Variants in ASTN1 observed in about 807,000 individuals in gnomAD.
ASTN1 encodes the protein astrotactin 1, also known as astrotactin-1.
In ASTN1, 41 loss-of-function variants were observed where a neutral mutation model predicts 140.7. That is an observed-to-expected ratio of 0.29 (90% CI 0.23 to 0.38). ASTN1 has a LOEUF of 0.38. ASTN1 is among the 10% of genes least tolerant of loss of function. The probability of loss-of-function intolerance (pLI) is 1.00; values close to 1 mark genes in which losing one functional copy is unlikely to be tolerated. For missense variants in ASTN1, 1,479 were observed against 1,678.8 expected (o/e 0.88, Z 2.08); for synonymous variants, 640 against 652.2 (o/e 0.98, Z 0.29).
chr1:176,933,496 C>G (rs1671295028), intron 16 of ASTN1, among the ~76,000 whole-genome samples: 2 of 152,206 alleles, frequency 1.3e-5, no homozygotes, highest in Admixed American at 6.5e-5. Flanking sequence ...TACAAATATA[C>G]TGGCCACTAT....
chr1:176,969,202 A>G (rs1045518736), intron 8 of ASTN1, among the ~76,000 whole-genome samples: 2 of 152,170 alleles, frequency 1.3e-5, no homozygotes, highest in Non-Finnish European at 2.9e-5. Context: ...CCCAGGTTTA[A>G]ATGGAAGTTG....
chr1:177,130,596 G>GA (rs1681896734), intron 1 of ASTN1, among the ~76,000 whole-genome samples: 1 of 152,158 alleles, frequency 6.6e-6, no homozygotes, highest in African/African-American at 2.4e-5. Flanking sequence ...TTGAATCCCT[G>GA]AGCTGTAATC....
intron 1 of ASTN1, among the ~76,000 whole-genome samples, chr1:177,067,061 C>T (rs1678397120): frequency 6.6e-6 from 1 of 151,898 alleles, no homozygotes; most frequent in African/African-American, 2.4e-5. Flanking sequence ...TTCAAAGTTG[C>T]TGTTAGTCTA....
intron 9 of ASTN1, among the ~76,000 whole-genome samples, chr1:176,960,950 C>T (rs937304953): frequency 6.6e-6 from 1 of 152,128 alleles, no homozygotes; most frequent in Non-Finnish European, 1.5e-5. Context: ...TGACTCAGAG[C>T]CCCTTGTTGC....
At chr1:177,052,541 G>A (rs1392154053) in intron 2 of ASTN1, among the ~76,000 whole-genome samples, 3 of 152,180 alleles carry the variant, frequency 2.0e-5, no homozygotes, top group Non-Finnish European at 4.4e-5. Flanking sequence ...TGGTCTCTCT[G>A]AGAGCAAAGC....
intron 1 of ASTN1, among the ~76,000 whole-genome samples, chr1:177,136,220 T>C (rs1682187695): frequency 6.6e-6 from 1 of 152,224 alleles, no homozygotes; most frequent in South Asian, 2.1e-4. Context: ...CTTGTGAACA[T>C]ATCCCAGCTG....
intron 1 of ASTN1, among the ~76,000 whole-genome samples, chr1:177,149,356 GTAAATATATATATAGTATA>G (rs1682897210): frequency 1.5e-5 from 1 of 67,344 alleles, no homozygotes; most frequent in Non-Finnish European, 2.3e-5. Context: ...TATATATATA[GTAAATATATATATAGTATA>G]TATAGTAAAT....
intron 1 of ASTN1, among the ~76,000 whole-genome samples, chr1:177,090,454 G>A (rs1044794506): frequency 2.0e-5 from 3 of 152,076 alleles, no homozygotes; most frequent in Non-Finnish European, 2.9e-5. Context: ...CCATGAGAGA[G>A]CCTTATGTTT....
chr1:176,948,674 G>A (rs1267835359), intron 12 of ASTN1, among the ~76,000 whole-genome samples: 4 of 152,144 alleles, frequency 2.6e-5, no homozygotes, highest in Non-Finnish European at 5.9e-5. Context: ...CTCTTCACAC[G>A]GAGGAATCAC....
At chr1:176,994,741 T>C (rs771848890) in intron 8 of ASTN1, among the ~76,000 whole-genome samples, 6 of 152,136 alleles carry the variant, frequency 3.9e-5, no homozygotes, top group Non-Finnish European at 8.8e-5. Context: ...ACCTATAAAG[T>C]GGAGATGGAT....
At position 176,906,608 on chromosome 1, in the gene ASTN1, C is replaced by G. The variant is rs540887205; in HGVS notation, c.2672-11778G>C. 3.3e-5 allele frequency among the ~76,000 whole-genome samples: 5 copies of G among 152,110 alleles called. No individual in the cohort carries two copies. The South Asian group carries it at 1.0e-3, about 32-fold the overall frequency. On this transcript the variant is annotated intron_variant, in intron 16 of 22. Coordinates refer to ENST00000361833, the MANE Select transcript of ASTN1 (RefSeq NM_004319.3). The stretch of plus-strand genomic sequence containing the variant: ...GTGGTTCATGCCTGTAATCCTAGCA[C>G]TTTAGGAGGCTGAGGTGGGCAGATC...
chr1:177,086,306 T>C (rs1430222057), intron 1 of ASTN1, among the ~76,000 whole-genome samples: 1 of 151,184 alleles, frequency 6.6e-6, no homozygotes, highest in African/African-American at 2.4e-5. Context: ...TTTTTCACCT[T>C]TTAACTTTCT....
chr1:177,164,379 T>A lies in ASTN1; in HGVS notation c.283+15A>T. 1 of 1,553,576 alleles carries A rather than the reference T, an allele frequency of 6.4e-7. No individual in the cohort carries two copies. Among genetic ancestry groups the A allele is most frequent in the Non-Finnish European group, 8.7e-7 (1 of 1,148,762 alleles). ...TCCAGCGCCTCCGGCCGCCTCGACC[T>A]CCCCCGGGACTCACCCAGCACGAAG... is the stretch of plus-strand genomic sequence containing the variant. On this transcript the variant is annotated intron_variant, in intron 1 of 22. Coordinates refer to ENST00000361833, the MANE Select transcript of ASTN1 (RefSeq NM_004319.3).
chr1:176,989,837 C>G (rs1234192471), intron 8 of ASTN1, among the ~76,000 whole-genome samples: 1 of 152,018 alleles, frequency 6.6e-6, no homozygotes, highest in Non-Finnish European at 1.5e-5. Flanking sequence ...CAATCCAGCA[C>G]AGCAATTTCC....
chr1:177,126,317 AT>A (rs1488064851), intron 1 of ASTN1, among the ~76,000 whole-genome samples: 1 of 152,202 alleles, frequency 6.6e-6, no homozygotes, highest in African/African-American at 2.4e-5. Flanking sequence ...CTGCTTAGGA[AT>A]AGCTACTTGA....
At chr1:176,945,230 C>T (rs909492503) in intron 13 of ASTN1, among the ~76,000 whole-genome samples, 3 of 151,582 alleles carry the variant, frequency 2.0e-5, no homozygotes, top group African/African-American at 7.3e-5. Flanking sequence ...AATTGAAGGC[C>T]CCAAGTAGCT....
At chr1:177,013,636 T>C (rs1223151400) in intron 8 of ASTN1, among the ~76,000 whole-genome samples, 1 of 152,186 alleles carries the variant, frequency 6.6e-6, no homozygotes, top group Non-Finnish European at 1.5e-5. Flanking sequence ...GAGTCCTCCA[T>C]GGCGATGTCT....
At chr1:177,095,763 G>C (rs1011289707) in intron 1 of ASTN1, among the ~76,000 whole-genome samples, 9 of 152,126 alleles carry the variant, frequency 5.9e-5, no homozygotes, top group African/African-American at 2.2e-4. Context: ...CTAAGACAAG[G>C]CCTAGTGGAG....
intron 1 of ASTN1, among the ~76,000 whole-genome samples, chr1:177,088,510 C>T (rs1016944220): frequency 6.6e-6 from 1 of 152,134 alleles, no homozygotes; most frequent in Admixed American, 6.5e-5. Flanking sequence ...TCCTCAGTAA[C>T]AACAAAGAAG....
Sources: allele counts gnomAD v4.1 joint callset (sites outside exome capture counted in the v4.1 genomes callset), GRCh38; gene constraint gnomAD v4.1.1; transcripts MANE v1.5; gene names NCBI Gene and HGNC (gene_info 2026-07-23, HGNC 2026-07-21).